Variants in ARK2C observed in about 807,000 individuals in gnomAD.
ARK2C encodes the protein arkadia (RNF111) C-terminal like ring finger ubiquitin ligase 2C, also known as E3 ubiquitin-protein ligase ARK2C.
the ARK2C span, among the ~76,000 whole-genome samples, chr18:46,338,541 AG>A: frequency 6.6e-6 from 1 of 152,218 alleles, no homozygotes; most frequent in Non-Finnish European, 1.5e-5. Context: ...GAGGTGGGGA[AG>A]GGGGAAGGGG....
chr18:46,392,219 T>C, the ARK2C span, among the ~76,000 whole-genome samples: 1 of 152,134 alleles, frequency 6.6e-6, no homozygotes, highest in Admixed American at 6.5e-5. Context: ...CTCATCCCCA[T>C]CCTGTTCCCC....
chr18:46,371,366 G>A, the ARK2C span, among the ~76,000 whole-genome samples: 8 of 152,180 alleles, frequency 5.3e-5, no homozygotes, highest in Non-Finnish European at 1.0e-4. Flanking sequence ...GTCTGATAAG[G>A]AGGAAGCACA....
chr18:46,421,210 C>T, the ARK2C span, among the ~76,000 whole-genome samples: 1 of 152,352 alleles, frequency 6.6e-6, no homozygotes, highest in East Asian at 1.9e-4. Flanking sequence ...TTCTTCAAAG[C>T]TAGTCTTTCT....
the ARK2C span, among the ~76,000 whole-genome samples, chr18:46,379,132 G>C: frequency 6.6e-6 from 1 of 152,186 alleles, no homozygotes; most frequent in African/African-American, 2.4e-5. Flanking sequence ...CCTGCTGGGA[G>C]CCCCCAGGCC....
the ARK2C span, among the ~76,000 whole-genome samples, chr18:46,366,024 G>A: frequency 6.6e-6 from 1 of 152,070 alleles, no homozygotes; most frequent in African/African-American, 2.4e-5. Flanking sequence ...TGGGCGCGGT[G>A]GCTCACACCT....
chr18:46,415,758 A>C, the ARK2C span, among the ~76,000 whole-genome samples: 1 of 152,180 alleles, frequency 6.6e-6, no homozygotes, highest in Non-Finnish European at 1.5e-5. Flanking sequence ...AATAATGGGA[A>C]TAATGCCCAT....
the ARK2C span, among the ~76,000 whole-genome samples, chr18:46,358,409 C>T: frequency 2.6e-5 from 4 of 152,146 alleles, no homozygotes; most frequent in African/African-American, 9.7e-5. Flanking sequence ...ACAGGATCTG[C>T]GGACCTCAGA....
the ARK2C span, among the ~76,000 whole-genome samples, chr18:46,416,196 G>A: frequency 5.9e-5 from 9 of 152,292 alleles, no homozygotes; most frequent in African/African-American, 1.7e-4. Context: ...GGAAACACAC[G>A]GATCTGCAGG....
chr18:46,352,906 G>T, the ARK2C span, among the ~76,000 whole-genome samples: 1 of 152,212 alleles, frequency 6.6e-6, no homozygotes, highest in Admixed American at 6.5e-5. Context: ...GAACCCACAC[G>T]TCAGGTCTTA....
chr18:46,370,275 A>T, the ARK2C span, among the ~76,000 whole-genome samples: 1 of 152,362 alleles, frequency 6.6e-6, no homozygotes, highest in South Asian at 2.1e-4. Context: ...AAACATCGTT[A>T]TTCCCATTTT....
At chr18:46,455,256 GA>G in the ARK2C span, among the ~76,000 whole-genome samples, 1 of 152,212 alleles carries the variant, frequency 6.6e-6, no homozygotes, top group African/African-American at 2.4e-5. Context: ...GTGGTTGACT[GA>G]AAGAATAAAT....
chr18:46,435,357 A>T, the ARK2C span: 89 of 1,614,050 alleles, frequency 5.5e-5, no homozygotes, highest in Non-Finnish European at 7.2e-5. Flanking sequence ...GGCCAACTGC[A>T]GACACCTCAG....
the ARK2C span, among the ~76,000 whole-genome samples, chr18:46,367,422 T>A: frequency 6.6e-6 from 1 of 152,172 alleles, no homozygotes; most frequent in South Asian, 2.1e-4. Context: ...AGTAGTGACC[T>A]GAAAAAGAAG....
At chr18:46,340,425 T>A in the ARK2C span, among the ~76,000 whole-genome samples, 1 of 152,188 alleles carries the variant, frequency 6.6e-6, no homozygotes, top group South Asian at 2.1e-4. Flanking sequence ...GTTCATTGAA[T>A]ACTTACTTGG....
At chr18:46,346,371 C>T in the ARK2C span, among the ~76,000 whole-genome samples, 11 of 152,254 alleles carry the variant, frequency 7.2e-5, no homozygotes, top group East Asian at 2.1e-3. Flanking sequence ...CAGTACTGTG[C>T]GAACATCACT....
At chr18:46,450,933 A>T in the ARK2C span, 1 of 658,988 alleles carries the variant, frequency 1.5e-6, no homozygotes, top group South Asian at 1.8e-5. Context: ...AGATGCTCTA[A>T]AGCTGTAATA....
At chr18:46,350,045 C>T in the ARK2C span, among the ~76,000 whole-genome samples, 1 of 152,206 alleles carries the variant, frequency 6.6e-6, no homozygotes, top group African/African-American at 2.4e-5. Context: ...TGCACAGACT[C>T]ATACCACTCA....
the ARK2C span, among the ~76,000 whole-genome samples, chr18:46,444,225 C>T: frequency 6.6e-6 from 1 of 152,056 alleles, no homozygotes; most frequent in Non-Finnish European, 1.5e-5. Context: ...TATTATGTCC[C>T]TTGGAGTGGT....
the ARK2C span, chr18:46,447,809 C>T: frequency 2.4e-6 from 3 of 1,224,990 alleles, no homozygotes; most frequent in Non-Finnish European, 3.6e-6. Context: ...CCTTGGCTCC[C>T]CTGTGCCCCG....
Sources: allele counts gnomAD v4.1 joint callset (sites outside exome capture counted in the v4.1 genomes callset), GRCh38; gene constraint gnomAD v4.1.1; transcripts MANE v1.5; gene names NCBI Gene and HGNC (gene_info 2026-07-23, HGNC 2026-07-21).